Variants in POLR2M observed in about 807,000 individuals in gnomAD.
The protein encoded by POLR2M is protein GRINL1A.
POLR2M carries 30 observed loss-of-function variants against 34.6 expected under a neutral mutation model. The ratio of observed to expected loss-of-function variants is 0.87; its 90% CI spans 0.65 to 1.18. The LOEUF is 1.18. Among genes scored for constraint, POLR2M ranks in the 50% most tolerant of loss-of-function variants. The pLI, the probability that POLR2M is intolerant of heterozygous loss-of-function variation, is 0.00. For missense variants in POLR2M, 432 were observed against 448.7 expected (o/e 0.96, Z 0.34); for synonymous variants, 150 against 166.7 (o/e 0.90, Z 0.77).
chr15:57,706,755 T>G lies in POLR2M; in HGVS notation c.-88T>G. The G allele has an allele frequency of 1.4e-6, 2 of 1,450,362 alleles. No homozygotes were observed. Among genetic ancestry groups the G allele is most frequent in the Non-Finnish European group, 1.9e-6 (2 of 1,071,752 alleles). 89.8% of individuals were successfully genotyped at this position (1,450,362 alleles called of 1,614,324 possible). ...GGCGACTCCCGCTCGTGCCCCGGAG[T>G]CACCGCCGTCCGCGGATCCGGCGCT... On this transcript the variant is annotated 5_prime_UTR_variant, in exon 1 of 4. Coordinates refer to ENST00000299638, the MANE Select transcript of POLR2M (RefSeq NM_015532.5).
chr15:57,712,056 G>T lies in POLR2M; in HGVS notation c.831G>T (p.Arg277=), dbSNP rs1331984796. 1 of 1,613,888 alleles carries T rather than the reference G, an allele frequency of 6.2e-7. No homozygotes were observed. The highest frequency in any genetic ancestry group is 2.2e-5 in the East Asian group (1 of 44,880). Residue 277 remains arginine (R), a synonymous_variant, in exon 3 of 4, where the codon CGG becomes CGT. Transcript: ENST00000299638. Reference sequence around the variant, plus strand: ...GGTCTCCTATTTCCTCAGAAGAGCGGCGGCGCAGGGATAAGCAGCATCTTG... The same window carrying T: ...GGTCTCCTATTTCCTCAGAAGAGCGTCGGCGCAGGGATAAGCAGCATCTTG... The part of the protein sequence containing the change: ...KSGSPISSEE[R]RRRDKQHLDD...
At chr15:57,714,492 G>C (rs1431004032) in intron 3 of POLR2M, 44 bp from the exon 4 acceptor site, 3 of 1,604,852 alleles carry the variant, frequency 1.9e-6, no homozygotes, top group Non-Finnish European at 2.6e-6. Flanking sequence ...TTGTAAGGAA[G>C]AGATGTGAAC....
intron 3 of POLR2M, among the ~76,000 whole-genome samples, chr15:57,713,061 G>T (rs2040800370): frequency 6.6e-6 from 1 of 152,022 alleles, no homozygotes; most frequent in Non-Finnish European, 1.5e-5. Flanking sequence ...GGGCATTGGG[G>T]CATGCAACTG....
rs2040945426 is a variant in POLR2M, at chr15:57,716,431, G to C, written c.*1752G>C. Reference sequence around the variant, plus strand: ...TACCGCTCTAAAAATGAAATTGTTAGGTGAAAGTGTTTTTGAGAATTTTTA... The same window carrying C: ...TACCGCTCTAAAAATGAAATTGTTACGTGAAAGTGTTTTTGAGAATTTTTA... On this transcript the variant is annotated 3_prime_UTR_variant, in exon 4 of 4. Transcript: ENST00000299638. The C allele has an allele frequency of 6.6e-6, 1 of 152,262 alleles. No homozygotes were observed. Among genetic ancestry groups the C allele is most frequent in the Non-Finnish European group, 1.5e-5 (1 of 68,040 alleles). The allele number at this position is 152,262 out of a possible 1,614,324, so 9.4% of individuals were successfully genotyped here. A position where few individuals can be genotyped will look rare whatever the true frequency, so the allele number is the denominator to read the frequency against.
intron 2 of POLR2M, 65 bp from the exon 3 acceptor site, chr15:57,711,919 A>G (rs2040735455): frequency 1.3e-6 from 2 of 1,573,758 alleles, no homozygotes; most frequent in Admixed American, 3.6e-5. Context: ...CATTTGTGTG[A>G]ATGTTTTAAA....
rs1165781995 is a variant in POLR2M at position 57,709,063 on chromosome 15, G to A, written c.463G>A (p.Ala155Thr). The A allele has an allele frequency of 6.2e-7, 1 of 1,614,058 alleles. No homozygotes were observed. Among genetic ancestry groups the A allele is most frequent in the African/African-American group, 1.3e-5 (1 of 74,922 alleles). The change falls in exon 2 of 4, where the codon GCT becomes ACT. Residue 155 changes from alanine (A) to threonine (T), a missense_variant. Physicochemically the swap from Ala to Thr is moderately conservative, Grantham distance 58. Coordinates refer to ENST00000299638, the MANE Select transcript of POLR2M (RefSeq NM_015532.5). Reference sequence around the variant, plus strand: ...TGAGTACACAGTGAATAAGGGCCCAGCTTCCAGCAATAGAGACAGGGTACC... The same window carrying A: ...TGAGTACACAGTGAATAAGGGCCCAACTTCCAGCAATAGAGACAGGGTACC... ...EVEYTVNKGP[A>T]SSNRDRVPPS...
In POLR2M at chr15:57,707,206, C is replaced by T. The variant is rs552932195; in HGVS notation, c.113+251C>T. ...CCTGGCGTTGCAGGGAGTTAGTAGCCCCTGGTCGGTTTTATTTACCCGGGG... is the reference window on the plus strand; with the variant it reads ...CCTGGCGTTGCAGGGAGTTAGTAGCTCCTGGTCGGTTTTATTTACCCGGGG... On this transcript the variant is annotated intron_variant, in intron 1 of 3. Coordinates refer to ENST00000299638, the MANE Select transcript of POLR2M (RefSeq NM_015532.5). The T allele has an allele frequency of 6.2e-6, 9 of 1,448,028 alleles. No individual in the cohort carries two copies. In the Admixed American group the frequency reaches 1.0e-4, roughly 16 times the overall value. 89.7% of individuals were successfully genotyped at this position (1,448,028 alleles called of 1,614,324 possible).
At chr15:57,711,698 C>G (rs1207342160) in intron 2 of POLR2M, among the ~76,000 whole-genome samples, 1 of 145,640 alleles carries the variant, frequency 6.9e-6, no homozygotes, top group South Asian at 2.2e-4. Context: ...ATGTGTATTT[C>G]TTTCTACTGG....
In POLR2M at chr15:57,716,875, TC is replaced by T. The variant is rs1408408675; in HGVS notation, c.*2198del. Reference sequence around the variant, plus strand: ...TATGTGCTTGAAAGTATTTTTGTAATCCAAGAATGGATAAATGTCCTTATTT... The same window carrying T: ...TATGTGCTTGAAAGTATTTTTGTAATCAAGAATGGATAAATGTCCTTATTT... On this transcript the variant is annotated 3_prime_UTR_variant, in exon 4 of 4. Coordinates refer to ENST00000299638, the MANE Select transcript of POLR2M (RefSeq NM_015532.5). The T allele has an allele frequency of 6.6e-6, 1 of 152,208 alleles. No individual in the cohort carries two copies. Among genetic ancestry groups the T allele is most frequent in the Non-Finnish European group, 1.5e-5 (1 of 68,026 alleles). 9.4% of individuals were successfully genotyped at this position (152,208 alleles called of 1,614,324 possible). A position where few individuals can be genotyped will look rare whatever the true frequency, so the allele number is the denominator to read the frequency against.
At position 57,717,069 on chromosome 15, in the gene POLR2M, C is replaced by A. The variant is rs572557703; in HGVS notation, c.*2390C>A. ...ATAAGGTAGGGATTTGATTTTATTT[C>A]GAAGAATTTACCAATTGGTTCAGTA... On this transcript the variant is annotated 3_prime_UTR_variant, in exon 4 of 4. Transcript: ENST00000299638. 1 of 152,206 alleles carries A rather than the reference C, an allele frequency of 6.6e-6. No individual in the cohort carries two copies. Among genetic ancestry groups the A allele is most frequent in the Admixed American group, 6.5e-5 (1 of 15,290 alleles). 9.4% of individuals were successfully genotyped at this position (152,206 alleles called of 1,614,324 possible). A position where few individuals can be genotyped will look rare whatever the true frequency, so the allele number is the denominator to read the frequency against.
intron 2 of POLR2M, among the ~76,000 whole-genome samples, 168 bp downstream of exon 2, chr15:57,709,526 A>G (rs1291300865): frequency 1.3e-5 from 2 of 152,194 alleles, no homozygotes; most frequent in African/African-American, 4.8e-5. Context: ...CTTGGGCAAT[A>G]TAATAAGACC....
intron 2 of POLR2M, 61 bp downstream of exon 2, chr15:57,709,419 T>G (rs1400505915): frequency 6.5e-7 from 1 of 1,538,122 alleles, no homozygotes; most frequent in African/African-American, 1.4e-5. Flanking sequence ...CTCAAAAATT[T>G]ACGAGAAACT....
chr15:57,714,322 G>C (rs2040858769), intron 3 of POLR2M, among the ~76,000 whole-genome samples: 1 of 152,070 alleles, frequency 6.6e-6, no homozygotes, highest in South Asian at 2.1e-4. Context: ...TATTAATGGA[G>C]GTCAGTAACT....
Position 57,716,863 on chromosome 15 carries a change from G to A in POLR2M, c.*2184G>A, listed in dbSNP as rs3865009. On this transcript the variant is annotated 3_prime_UTR_variant, in exon 4 of 4. Transcript: ENST00000299638. ...TCTACCTTTGTGTATGTGCTTGAAA[G>A]TATTTTTGTAATCCAAGAATGGATA... 6.6e-6 allele frequency: 1 copy of A among 151,814 alleles called. No homozygotes were observed. The highest frequency in any genetic ancestry group is 2.1e-4 in the South Asian group (1 of 4,804). The allele number at this position is 151,814 out of a possible 1,614,324, so 9.4% of individuals were successfully genotyped here.
In POLR2M at chr15:57,708,772, C is replaced by G. The variant is rs2040590851; in HGVS notation, c.172C>G (p.Leu58Val). ...AAAGATCTTTGACTCTTTTGCCAAACTGAAAGCTGCCATTGCAGAATGTGA... is the reference window on the plus strand; with the variant it reads ...AAAGATCTTTGACTCTTTTGCCAAAGTGAAAGCTGCCATTGCAGAATGTGA... ...GKKIFDSFAK[L>V]KAAIAECEEV... The change falls in exon 2 of 4, where the codon CTG becomes GTG. Residue 58 changes from leucine (L) to valine (V), a missense_variant. Coordinates refer to ENST00000299638, the MANE Select transcript of POLR2M (RefSeq NM_015532.5). 1.2e-6 allele frequency: 2 copies of G among 1,607,704 alleles called. No individual in the cohort carries two copies. The highest frequency in any genetic ancestry group is 8.5e-7 in the Non-Finnish European group (1 of 1,178,270).
Position 57,715,752 on chromosome 15 carries a change from C to G in POLR2M, c.*1073C>G, listed in dbSNP as rs1416001280. On this transcript the variant is annotated 3_prime_UTR_variant, in exon 4 of 4. Transcript: ENST00000299638. ...CTTACATTATCAAAAAATTCTTTGTCTAATATATTGGAGTCTTTAAAAGTG... is the reference window on the plus strand; with the variant it reads ...CTTACATTATCAAAAAATTCTTTGTGTAATATATTGGAGTCTTTAAAAGTG... The G allele has an allele frequency of 4.6e-5, 7 of 152,180 alleles. No individual in the cohort carries two copies. In the East Asian group the frequency reaches 1.2e-3, roughly 25 times the overall value. The allele number at this position is 152,180 out of a possible 1,614,324, so 9.4% of individuals were successfully genotyped here.
At chr15:57,708,182 T>C (rs982701096) in intron 1 of POLR2M, among the ~76,000 whole-genome samples, 2 of 152,234 alleles carry the variant, frequency 1.3e-5, no homozygotes, top group African/African-American at 4.8e-5. Flanking sequence ...TATTTACTTA[T>C]CAGAAATACG....
At chr15:57,713,147 T>G (rs557585083) in intron 3 of POLR2M, among the ~76,000 whole-genome samples, 8 of 150,398 alleles carry the variant, frequency 5.3e-5, no homozygotes, top group Admixed American at 5.3e-4. Context: ...TGAGCCGCAG[T>G]CACACCACTG....
Position 57,706,745 on chromosome 15 carries a change from T to G in POLR2M, c.-98T>G, listed in dbSNP as rs771331678. ...CCGGGAAAATGGCGACTCCCGCTCG[T>G]GCCCCGGAGTCACCGCCGTCCGCGG... On this transcript the variant is annotated 5_prime_UTR_variant, in exon 1 of 4. Transcript: ENST00000299638. The G allele has an allele frequency of 4.0e-5, 55 of 1,360,660 alleles. No individual in the cohort carries two copies. Among genetic ancestry groups the G allele is most frequent in the Non-Finnish European group, 5.2e-5 (52 of 1,001,100 alleles). The allele number at this position is 1,360,660 out of a possible 1,614,324, so 84.3% of individuals were successfully genotyped here.
Sources: gnomAD v4.1 joint callset for allele counts (sites outside exome capture counted in the v4.1 genomes callset) on GRCh38, gnomAD v4.1.1 for gene constraint, MANE v1.5 for transcripts, NCBI Gene and HGNC (gene_info 2026-07-23, HGNC 2026-07-21) for gene names.